Variants in PSME3 observed in about 807,000 individuals in gnomAD.
PSME3 encodes proteasome activator subunit 3, also known as proteasome activator complex subunit 3.
A neutral mutation model predicts 38.3 loss-of-function variants in PSME3; 7 were observed. The observed-to-expected ratio is 0.18, with a 90% confidence interval of 0.10 to 0.34. The LOEUF (loss-of-function observed/expected upper bound fraction) is 0.34, where lower values mean the gene tolerates loss of function less well. PSME3 is among the 10% of genes least tolerant of loss of function. The pLI is 1.00. For synonymous variants in PSME3, 108 were observed against 105.7 expected (o/e 1.02, Z -0.13); for missense variants, 192 against 307.6 (o/e 0.62, Z 2.81).
intron 4 of PSME3, among the ~76,000 whole-genome samples, chr17:42,835,086 G>A (rs1409804070): frequency 4.6e-5 from 7 of 152,022 alleles, no homozygotes. Flanking sequence ...TGCCCAAGCT[G>A]GAGTGTAGTG....
intron 5 of PSME3, 24 bp from the exon 6 acceptor site, chr17:42,838,069 A>G (rs1388265335): frequency 1.9e-6 from 3 of 1,613,140 alleles, no homozygotes; most frequent in East Asian, 2.2e-5. Context: ...TTCCCTGATC[A>G]TTTGACCTTC....
intron 6 of PSME3, 49 bp from the exon 7 acceptor site, chr17:42,838,682 A>C (rs769504806): frequency 7.7e-6 from 12 of 1,556,744 alleles, no homozygotes; most frequent in Non-Finnish European, 1.1e-5. Flanking sequence ...TGTGTACTTC[A>C]TGGCTTCAGC....
intron 7 of PSME3, 60 bp from the exon 8 acceptor site, chr17:42,838,885 G>A: frequency 6.2e-7 from 1 of 1,601,558 alleles, no homozygotes; most frequent in Non-Finnish European, 8.6e-7. Flanking sequence ...CTTTTTCTTT[G>A]GGGCTGCTGT....
chr17:42,837,095 A>T (rs2055472938), intron 4 of PSME3, among the ~76,000 whole-genome samples: 1 of 152,014 alleles, frequency 6.6e-6, no homozygotes, highest in African/African-American at 2.4e-5. Flanking sequence ...TCTGTTGCCC[A>T]GGCTGGAGTG....
chr17:42,837,554 A>C (rs2055478148), intron 4 of PSME3, 95 bp from the exon 5 acceptor site: 4 of 1,214,496 alleles, frequency 3.3e-6, no homozygotes, highest in Non-Finnish European at 4.9e-6. Flanking sequence ...ATAAGCTATG[A>C]GGCTGAGGAA....
chr17:42,838,279 G>A (rs1389664145), intron 6 of PSME3, 74 bp downstream of exon 6: 5 of 1,584,826 alleles, frequency 3.2e-6, no homozygotes, highest in East Asian at 2.2e-5. Flanking sequence ...GTGGATGTAC[G>A]GGTGGTATGG....
rs895668197 is a variant in PSME3, at chr17:42,841,653, C to T, written c.*75C>T. 9 of 999,058 alleles carry T rather than the reference C, an allele frequency of 9.0e-6. No homozygotes were observed. Among genetic ancestry groups the T allele is most frequent in the South Asian group, 3.3e-5 (2 of 60,034 alleles). The allele number at this position is 999,058 out of a possible 1,614,324, so 61.9% of individuals were successfully genotyped here. Reference sequence around the variant, plus strand: ...TTGCCTTGGTTTGTTACATGACTATCGTGATGGGGAAACTGGCTGGAAATA... The same window carrying T: ...TTGCCTTGGTTTGTTACATGACTATTGTGATGGGGAAACTGGCTGGAAATA... On this transcript the variant is annotated 3_prime_UTR_variant, in exon 11 of 11. Coordinates refer to ENST00000590720, the MANE Select transcript of PSME3 (RefSeq NM_005789.4).
chr17:42,834,301 C>G, intron 1 of PSME3, 43 bp from the exon 2 acceptor site: 2 of 1,613,668 alleles, frequency 1.2e-6, no homozygotes, highest in Non-Finnish European at 1.7e-6. Flanking sequence ...CCTGCTCTTA[C>G]CTCTGTCCCC....
rs1466585269 is a variant in PSME3, at chr17:42,843,233, T to C, written c.*1655T>C. ...TATTAAAAATACAGGTACTTTGACC[T>C]CTTTCTAAAGCCGCAGACCCTGGTG... On this transcript the variant is annotated 3_prime_UTR_variant, in exon 11 of 11. Transcript: ENST00000590720. 1 of 152,770 alleles carries C rather than the reference T, an allele frequency of 6.5e-6. No individual in the cohort carries two copies. The highest frequency in any genetic ancestry group is 2.4e-5 in the African/African-American group (1 of 41,434). 9.5% of individuals were successfully genotyped at this position (152,770 alleles called of 1,614,324 possible).
chr17:42,837,627 C>T lies in PSME3; in HGVS notation c.244-22C>T, dbSNP rs753342017. On this transcript the variant is annotated intron_variant, in intron 4 of 10. Coordinates refer to ENST00000590720, the MANE Select transcript of PSME3 (RefSeq NM_005789.4). Reference sequence around the variant, plus strand: ...ATGTGGGTGTCAAAACTAGGCTCATCCCTGCCTCTTTGTATCCTTAGCCCA... The same window carrying T: ...ATGTGGGTGTCAAAACTAGGCTCATTCCTGCCTCTTTGTATCCTTAGCCCA... The T allele has an allele frequency of 1.9e-6, 3 of 1,613,642 alleles. No individual in the cohort carries two copies. In the Admixed American group the frequency reaches 5.0e-5, roughly 27 times the overall value.
Position 42,839,359 on chromosome 17 carries a change from A to G in PSME3, c.663A>G (p.Ile221Met). 6.2e-7 allele frequency: 1 copy of G among 1,611,088 alleles called. No individual in the cohort carries two copies. Among genetic ancestry groups the G allele is most frequent in the Non-Finnish European group, 8.5e-7 (1 of 1,177,766 alleles). ...AATATATCAGCCTTCGGCTCATCAT[A>G]TCAGAGCTGAGGAATCAATATGTGA... ...EKEYISLRLI[I>M]SELRNQYVTL... Residue 221 changes from isoleucine to methionine, a missense_variant, in exon 10 of 11, where the codon ATA (isoleucine) becomes ATG (methionine). This residue lies in a region of PSME3 where 82 missense variants were observed against 168.2 expected (regional missense o/e 0.49). Transcript: ENST00000590720.
rs758131605 is a variant in PSME3, at chr17:42,834,335, T to G, written c.43-9T>G. ...CCAGGTACTGAATTGCTCTCTTTGT[T>G]AATTTTAGGTTGATTCTTTCAGGGA... is the stretch of plus-strand genomic sequence containing the variant. On this transcript the variant is annotated splice_polypyrimidine_tract_variant and intron_variant, in intron 1 of 10. Transcript: ENST00000590720. 3.7e-6 allele frequency: 6 copies of G among 1,614,144 alleles called. No homozygotes were observed. In the South Asian group the frequency reaches 5.5e-5, roughly 15 times the overall value.
chr17:42,841,133 A>C (rs1236861835), intron 10 of PSME3, among the ~76,000 whole-genome samples: 1 of 121,184 alleles, frequency 8.3e-6, no homozygotes, highest in African/African-American at 3.9e-5. Context: ...ACCGTGTCTC[A>C]AAAAAAAAAA....
intron 2 of PSME3, 61 bp downstream of exon 2, chr17:42,834,437 GGAGAGAGAGAGAGA>G (rs59492997): frequency 2.0e-5 from 30 of 1,536,694 alleles, no homozygotes; most frequent in Middle Eastern, 1.7e-4. Flanking sequence ...GGAGATACCT[GGAGAGAGAGAGAGA>G]GAGAGAGAGA....
chr17:42,841,173 ATGT>A (rs1168501170), intron 10 of PSME3, among the ~76,000 whole-genome samples: 1 of 151,946 alleles, frequency 6.6e-6, no homozygotes, highest in East Asian at 1.9e-4. Context: ...TCTTCACTTA[ATGT>A]TGTCCATAGG....
intron 6 of PSME3, 95 bp downstream of exon 6, chr17:42,838,300 A>G: frequency 6.5e-7 from 1 of 1,530,708 alleles, no homozygotes; most frequent in East Asian, 2.3e-5. Context: ...GAATTGGCAG[A>G]CTAGGTTTTT....
chr17:42,834,841 A>C lies in PSME3; in HGVS notation c.208A>C (p.Ile70Leu). Reference protein sequence around the residue: ...SDMNLPVPDPILLTNSHDGLD... With the variant: ...SDMNLPVPDPLLLTNSHDGLD... ...CATGAATCTCCCAGTCCCTGACCCC[A>C]TTCTTCTCACCAATAGCCATGATGG... The change falls in exon 4 of 11, where the codon ATT becomes CTT. Residue 70 changes from isoleucine (I) to leucine (L), a missense_variant. Physicochemically the swap from Ile to Leu is conservative, Grantham distance 5. Around this residue, in one of 2 missense-constraint regions of PSME3, gnomAD observed 110 missense variants for 139.3 expected, o/e 0.79. Transcript: ENST00000590720. 1.2e-6 allele frequency: 2 copies of C among 1,614,002 alleles called. No homozygotes were observed. The highest frequency in any genetic ancestry group is 1.7e-6 in the Non-Finnish European group (2 of 1,179,958).
intron 6 of PSME3, among the ~76,000 whole-genome samples, chr17:42,838,514 G>C (rs2055491445): frequency 6.6e-6 from 1 of 152,004 alleles, no homozygotes; most frequent in African/African-American, 2.4e-5. Context: ...CACCATTTTG[G>C]CCATGGTTAG....
At position 42,842,801 on chromosome 17, in the gene PSME3, C is replaced by T. The variant is rs1456801853; in HGVS notation, c.*1223C>T. 3 of 152,700 alleles carry T rather than the reference C, an allele frequency of 2.0e-5. No individual in the cohort carries two copies. Among genetic ancestry groups the T allele is most frequent in the African/African-American group, 7.2e-5 (3 of 41,414 alleles). The allele number at this position is 152,700 out of a possible 1,614,324, so 9.5% of individuals were successfully genotyped here. ...ATTGTTAACAGCTTTTGTGTTAATC[C>T]CCTTCAGCCCCTAGCTCTTTTATTC... On this transcript the variant is annotated 3_prime_UTR_variant, in exon 11 of 11. Coordinates refer to ENST00000590720, the MANE Select transcript of PSME3 (RefSeq NM_005789.4).
Sources: allele counts gnomAD v4.1 joint callset (sites outside exome capture counted in the v4.1 genomes callset), GRCh38; gene constraint gnomAD v4.1.1; regional missense constraint gnomAD v4.1.1; transcripts MANE v1.5; gene names NCBI Gene and HGNC (gene_info 2026-07-23, HGNC 2026-07-21).